Variants in CNST observed in about 807,000 individuals in gnomAD.
CNST encodes the protein consortin, connexin sorting protein, also known as consortin.
A neutral mutation model predicts 72.4 loss-of-function variants in CNST; 39 were observed. That is an observed-to-expected ratio of 0.54 (90% CI 0.42 to 0.70). CNST has a LOEUF of 0.70. CNST is among the 30% of genes least tolerant of loss of function. The pLI is 0.00. For synonymous variants in CNST, 332 were observed against 320.1 expected, an observed-to-expected ratio of 1.04 and a Z score of -0.40; for missense variants, 871 against 868.5, an observed-to-expected ratio of 1.00 and a Z score of -0.04.
In CNST at chr1:246,634,700, GATATA is replaced by G. The variant is rs548174105; in HGVS notation, c.818+121_818+125del. The G allele has an allele frequency of 1.9e-4, 126 of 657,746 alleles. No individual in the cohort carries two copies. The African/African-American group carries it at 2.0e-3, about 10-fold the overall frequency. The allele number at this position is 657,746 out of a possible 1,614,324, so 40.7% of individuals were successfully genotyped here. On this transcript the variant is annotated intron_variant, in intron 6 of 10. Coordinates refer to ENST00000366513, the MANE Select transcript of CNST (RefSeq NM_152609.3). Reference sequence around the variant, plus strand: ...GTTTTCAACTGGAGAAATTAAGATGGATATAATATAATTATTGCAAGGCTCTAGTA... The same window carrying G: ...GTTTTCAACTGGAGAAATTAAGATGGATATAATTATTGCAAGGCTCTAGTA...
chr1:246,643,094 G>A (rs551163910), intron 8 of CNST, among the ~76,000 whole-genome samples: 1 of 151,702 alleles, frequency 6.6e-6, no homozygotes, highest in South Asian at 2.1e-4. Context: ...GTCTCACTAT[G>A]TTGCTCAGGC....
intron 9 of CNST, 163 bp downstream of exon 9, chr1:246,648,200 G>A (rs1054478724): frequency 3.6e-6 from 5 of 1,404,450 alleles, no homozygotes; most frequent in South Asian, 3.3e-5. Context: ...ACATTTGTAT[G>A]TATTGAATAA....
Position 246,641,734 on chromosome 1 carries a change from T to C in CNST, c.819-15T>C. 7.7e-7 allele frequency: 1 copy of C among 1,296,030 alleles called. No homozygotes were observed. Among genetic ancestry groups the C allele is most frequent in the Non-Finnish European group, 1.1e-6 (1 of 906,192 alleles). The allele number at this position is 1,296,030 out of a possible 1,614,324, so 80.3% of individuals were successfully genotyped here. A position where few individuals can be genotyped will look rare whatever the true frequency, so the allele number is the denominator to read the frequency against. On this transcript the variant is annotated splice_polypyrimidine_tract_variant and intron_variant, in intron 6 of 10. Transcript: ENST00000366513. ...AATTTTTTTAAAATTCTTTTTTCTT[T>C]CTTTTTTCCTACAGTCCTCTTTTAT...
intron 9 of CNST, among the ~76,000 whole-genome samples, chr1:246,651,340 C>T (rs1218485168): frequency 6.6e-6 from 1 of 152,102 alleles, no homozygotes; most frequent in Non-Finnish European, 1.5e-5. Context: ...TTTCTCCCCG[C>T]CCAGGTTCTC....
chr1:246,654,216 C>T (rs2103151582), intron 9 of CNST, among the ~76,000 whole-genome samples: 1 of 152,276 alleles, frequency 6.6e-6, no homozygotes, highest in South Asian at 2.1e-4. Context: ...CAGACTGGCC[C>T]CCTCGCCACC....
chr1:246,653,481 G>C (rs1037528210), intron 9 of CNST, among the ~76,000 whole-genome samples: 20 of 152,330 alleles, frequency 1.3e-4, no homozygotes, highest in Admixed American at 6.5e-4. Context: ...AGGAGCAGGG[G>C]AAGTCCAGCC....
At chr1:246,655,263 C>T (rs1243174776) in intron 9 of CNST, among the ~76,000 whole-genome samples, 2 of 152,068 alleles carry the variant, frequency 1.3e-5, no homozygotes, top group East Asian at 1.9e-4. Flanking sequence ...TTTAAAGATT[C>T]GACATTGATG....
chr1:246,628,230 G>C (rs988431663), intron 3 of CNST, among the ~76,000 whole-genome samples: 3 of 151,976 alleles, frequency 2.0e-5, no homozygotes, highest in African/African-American at 7.3e-5. Context: ...GATCTCTTTT[G>C]GCAACACCCT....
intron 9 of CNST, among the ~76,000 whole-genome samples, chr1:246,655,276 C>G (rs1216952773): frequency 6.6e-6 from 1 of 152,068 alleles, no homozygotes; most frequent in Non-Finnish European, 1.5e-5. Context: ...CATTGATGTA[C>G]TTCATCATCA....
chr1:246,628,743 C>G (rs1243682346), intron 3 of CNST, among the ~76,000 whole-genome samples: 1 of 152,182 alleles, frequency 6.6e-6, no homozygotes, highest in Non-Finnish European at 1.5e-5. Context: ...TTCACACTAT[C>G]CCCTGGGAAC....
Position 246,621,650 on chromosome 1 carries a change from C to T in CNST, c.585+16C>T. On this transcript the variant is annotated intron_variant, in intron 3 of 10. Transcript: ENST00000366513. ...CCTTCATCAGGTACTCTGGTAAACC[C>T]TTCACTTTCAGCCTCACGAAAATTC... 8 of 1,603,172 alleles carry T rather than the reference C, an allele frequency of 5.0e-6. No homozygotes were observed. Among genetic ancestry groups the T allele is most frequent in the Non-Finnish European group, 6.8e-6 (8 of 1,170,154 alleles).
intron 3 of CNST, among the ~76,000 whole-genome samples, chr1:246,621,839 A>G (rs1664114074): frequency 6.6e-6 from 1 of 152,116 alleles, no homozygotes; most frequent in Non-Finnish European, 1.5e-5. Context: ...TACAAAATAT[A>G]CAAAAATTAG....
At chr1:246,653,583 G>A (rs182550677) in intron 9 of CNST, among the ~76,000 whole-genome samples, 97 of 152,258 alleles carry the variant, frequency 6.4e-4, no homozygotes, top group African/African-American at 1.9e-3. Flanking sequence ...TCTAAAGAGC[G>A]CCCAAAGGAA....
chr1:246,618,053 A>G (rs563537063), intron 2 of CNST, among the ~76,000 whole-genome samples: 1 of 152,264 alleles, frequency 6.6e-6, no homozygotes, highest in African/African-American at 2.4e-5. Flanking sequence ...GCAAGGGAGG[A>G]ACAATGGTTT....
At chr1:246,603,869 A>G (rs1477381383) in intron 2 of CNST, among the ~76,000 whole-genome samples, 1 of 152,226 alleles carries the variant, frequency 6.6e-6, no homozygotes, top group Non-Finnish European at 1.5e-5. Context: ...TGTACAACAC[A>G]GTATACTGAA....
chr1:246,591,574 C>T lies in CNST; in HGVS notation c.12C>T (p.Ser4=), dbSNP rs1437928562. 30 of 1,613,494 alleles carry T rather than the reference C, an allele frequency of 1.9e-5. No individual in the cohort carries two copies. The highest frequency in any genetic ancestry group is 1.6e-4 in the Middle Eastern group (1 of 6,080). The part of the protein sequence containing the change: MDD[S]DTPTYYLQIE... ...CAAAGGATGCTCTAATGGATGACAGCGATACTCCTACATATTATCTGCAAA... is the reference window on the plus strand; with the variant it reads ...CAAAGGATGCTCTAATGGATGACAGTGATACTCCTACATATTATCTGCAAA... Residue 4 remains serine, a synonymous_variant, in exon 2 of 11, where the codon AGC becomes AGT. Coordinates refer to ENST00000366513, the MANE Select transcript of CNST (RefSeq NM_152609.3).
At chr1:246,648,474 TA>T (rs2103137019) in intron 9 of CNST, among the ~76,000 whole-genome samples, 2 of 152,294 alleles carry the variant, frequency 1.3e-5, no homozygotes, top group East Asian at 3.9e-4. Context: ...TAAAATAGTC[TA>T]AAGAATAGAG....
Position 246,591,927 on chromosome 1 carries a change from A to G in CNST, c.365A>G (p.Lys122Arg). ...RSPRSKKGTAKKIPPGLFSGD... is the reference protein window; with the variant it reads ...RSPRSKKGTARKIPPGLFSGD... The stretch of plus-strand genomic sequence containing the variant: ...CCAAGAAGCAAAAAAGGGACTGCTA[A>G]GAAGATACCACCAGGTATTGTTTAA... The change falls in exon 2 of 11, where the codon AAG (lysine) becomes AGG (arginine). Residue 122 changes from lysine to arginine, a missense_variant. Physicochemically the swap from Lys to Arg is conservative, Grantham distance 26. Transcript: ENST00000366513. 1 of 1,607,446 alleles carries G rather than the reference A, an allele frequency of 6.2e-7. No homozygotes were observed. The highest frequency in any genetic ancestry group is 1.3e-5 in the African/African-American group (1 of 74,358).
chr1:246,662,785 C>T (rs1667173084), intron 10 of CNST, among the ~76,000 whole-genome samples: 1 of 152,176 alleles, frequency 6.6e-6, no homozygotes, highest in Non-Finnish European at 1.5e-5. Flanking sequence ...CATTTTACAT[C>T]CTTTTTTTCA....
Sources: allele counts gnomAD v4.1 joint callset (sites outside exome capture counted in the v4.1 genomes callset), GRCh38; gene constraint gnomAD v4.1.1; transcripts MANE v1.5; gene names NCBI Gene and HGNC (gene_info 2026-07-23, HGNC 2026-07-21).